Variants in CSMD1 observed in about 807,000 individuals in gnomAD.
CSMD1 encodes the protein CUB and Sushi multiple domains 1.
A neutral mutation model predicts 417.5 loss-of-function variants in CSMD1; 213 were observed. The ratio of observed to expected loss-of-function variants is 0.51; its 90% CI spans 0.46 to 0.57. CSMD1 has a LOEUF of 0.57. CSMD1 is among the 20% of genes least tolerant of loss of function. CSMD1 has a pLI of 0.00. For synonymous variants in CSMD1, 2,862 were observed against 1,736.8 expected (o/e 1.65, Z -16.11); for missense variants, 6,923 against 4,529.7 (o/e 1.53, Z -15.17).
chr8:3,287,219 T>C (rs916261203), intron 25 of CSMD1, among the ~76,000 whole-genome samples: 1 of 148,968 alleles, frequency 6.7e-6, no homozygotes, highest in African/African-American at 2.5e-5. Flanking sequence ...GTAGTACAGT[T>C]TGAAGTCAGG....
chr8:4,497,359 G>A (rs932997352), intron 2 of CSMD1, among the ~76,000 whole-genome samples: 1 of 152,132 alleles, frequency 6.6e-6, no homozygotes, highest in African/African-American at 2.4e-5. Flanking sequence ...CACTGGCCTG[G>A]CACTACAAAA....
chr8:4,284,456 C>T (rs1796952929), intron 3 of CSMD1, among the ~76,000 whole-genome samples: 1 of 150,936 alleles, frequency 6.6e-6, no homozygotes, highest in Admixed American at 6.6e-5. Context: ...GTGTTCCCTC[C>T]CCGTCACCAT....
chr8:4,642,711 T>C (rs1284496013), intron 1 of CSMD1, among the ~76,000 whole-genome samples: 1 of 152,154 alleles, frequency 6.6e-6, no homozygotes, highest in Non-Finnish European at 1.5e-5. Context: ...GCCTTTGAAG[T>C]GGGGTGTGTA....
At chr8:4,680,307 A>G (rs1805957187) in intron 1 of CSMD1, among the ~76,000 whole-genome samples, 1 of 152,220 alleles carries the variant, frequency 6.6e-6, no homozygotes. Flanking sequence ...CCGAAAAAGT[A>G]ATATGAATCA....
chr8:4,380,130 A>C (rs1043343230), intron 3 of CSMD1, among the ~76,000 whole-genome samples: 2 of 152,220 alleles, frequency 1.3e-5, no homozygotes, highest in African/African-American at 2.4e-5. Flanking sequence ...GTTGAATTCT[A>C]AATAGTTTCT....
At chr8:4,121,114 TTTATTTA>T (rs1802463285) in intron 3 of CSMD1, among the ~76,000 whole-genome samples, 1 of 151,790 alleles carries the variant, frequency 6.6e-6, no homozygotes, top group Non-Finnish European at 1.5e-5. Flanking sequence ...TATTTTTATT[TTTATTTA>T]TTATTTATTT....
At chr8:4,502,557 T>C (rs1802312443) in intron 2 of CSMD1, among the ~76,000 whole-genome samples, 1 of 152,188 alleles carries the variant, frequency 6.6e-6, no homozygotes, top group South Asian at 2.1e-4. Flanking sequence ...TACATTATGT[T>C]ATTTCAGACA....
At chr8:3,708,858 TTGTC>T (rs1801330693) in intron 6 of CSMD1, among the ~76,000 whole-genome samples, 1 of 152,096 alleles carries the variant, frequency 6.6e-6, no homozygotes, top group East Asian at 1.9e-4. Context: ...GACTACAGAG[TTGTC>T]TAAGTTTGCT....
intron 3 of CSMD1, among the ~76,000 whole-genome samples, chr8:4,203,423 T>C (rs1221154595): frequency 6.6e-6 from 1 of 152,178 alleles, no homozygotes; most frequent in African/African-American, 2.4e-5. Flanking sequence ...TGTGGTAATA[T>C]CTCACAGCAG....
At chr8:3,802,126 A>T (rs1410345948) in intron 5 of CSMD1, among the ~76,000 whole-genome samples, 1 of 152,224 alleles carries the variant, frequency 6.6e-6, no homozygotes, top group Admixed American at 6.5e-5. Flanking sequence ...AAGGTAAAAT[A>T]AAAATATCCT....
At chr8:3,295,571 G>T (rs6558756) in intron 25 of CSMD1, among the ~76,000 whole-genome samples, 1 of 152,138 alleles carries the variant, frequency 6.6e-6, no homozygotes, top group Admixed American at 6.5e-5. Flanking sequence ...ATTTTGACAC[G>T]TGGTACCGCA....
At chr8:3,553,395 T>A (rs748779775) in intron 10 of CSMD1, among the ~76,000 whole-genome samples, 3 of 152,208 alleles carry the variant, frequency 2.0e-5, no homozygotes, top group Non-Finnish European at 4.4e-5. Flanking sequence ...AGACAGAGTG[T>A]GACAGACCCA....
At chr8:3,932,425 G>C (rs1001637233) in intron 5 of CSMD1, among the ~76,000 whole-genome samples, 1 of 150,230 alleles carries the variant, frequency 6.7e-6, no homozygotes, top group Non-Finnish European at 1.5e-5. Flanking sequence ...ATTTCTCATG[G>C]TATTTCACTC....
chr8:3,322,137 G>T (rs1248237989), intron 23 of CSMD1, among the ~76,000 whole-genome samples: 1 of 152,086 alleles, frequency 6.6e-6, no homozygotes, highest in Non-Finnish European at 1.5e-5. Flanking sequence ...CTGTTATTTT[G>T]GTCATAATGA....
intron 3 of CSMD1, among the ~76,000 whole-genome samples, chr8:4,109,606 A>G (rs556608544): frequency 6.6e-6 from 1 of 152,280 alleles, no homozygotes; most frequent in South Asian, 2.1e-4. Context: ...GCCTTTGGAT[A>G]TTGTTGGAAT....
intron 36 of CSMD1, among the ~76,000 whole-genome samples, chr8:3,181,819 C>T (rs576497930): frequency 8.5e-5 from 13 of 152,162 alleles, no homozygotes; most frequent in South Asian, 6.2e-4. Context: ...AGTAACTAAC[C>T]GATTGGAAAG....
chr8:4,914,262 T>C (rs746309374), intron 1 of CSMD1, among the ~76,000 whole-genome samples: 1 of 152,016 alleles, frequency 6.6e-6, no homozygotes, highest in South Asian at 2.1e-4. Context: ...GCAGAGGAAA[T>C]AGAAACATTT....
intron 1 of CSMD1, among the ~76,000 whole-genome samples, chr8:4,896,742 C>T (rs754077318): frequency 3.9e-5 from 6 of 151,928 alleles, no homozygotes; most frequent in Admixed American, 6.6e-5. Flanking sequence ...TCCTCCGATT[C>T]TAAGCAAGAT....
intron 11 of CSMD1, among the ~76,000 whole-genome samples, chr8:3,470,695 G>A (rs1296764653): frequency 6.6e-6 from 1 of 151,762 alleles, no homozygotes; most frequent in Non-Finnish European, 1.5e-5. Context: ...CCCCTTCACT[G>A]TCCCTAACCC....
Sources: gnomAD v4.1 joint callset for allele counts (sites outside exome capture counted in the v4.1 genomes callset) on GRCh38, gnomAD v4.1.1 for gene constraint, MANE v1.5 for transcripts, NCBI Gene and HGNC (gene_info 2026-07-23, HGNC 2026-07-21) for gene names.